MSRA: variants seen among roughly 807,000 people sequenced by gnomAD.
The protein encoded by MSRA is mitochondrial peptide methionine sulfoxide reductase.
A neutral mutation model predicts 31.3 loss-of-function variants in MSRA; 54 were observed. That is an observed-to-expected ratio of 1.73 (90% CI 1.39 to 2.17). The LOEUF is 2.17. Ranked by LOEUF, MSRA falls within the 30% of genes most tolerant of loss-of-function variation. MSRA has a pLI of 0.00. For synonymous variants in MSRA, 169 were observed against 116.5 expected (o/e 1.45, Z -2.90); for missense variants, 507 against 300.9 (o/e 1.69, Z -5.07).
chr8:10,410,030 C>A (rs9650651), intron 5 of MSRA, among the ~76,000 whole-genome samples: 73,337 of 152,092 alleles, frequency 0.48, 18,485 homozygotes, highest in East Asian at 0.66. Flanking sequence ...ACTGCACTCC[C>A]CCCTGGGTTA....
intron 1 of MSRA, among the ~76,000 whole-genome samples, chr8:10,118,490 A>G (rs528844977): frequency 6.6e-6 from 1 of 152,094 alleles, no homozygotes; most frequent in Non-Finnish European, 1.5e-5. Context: ...TCCCCTCTTT[A>G]AAGACTGTCA....
chr8:10,160,813 C>A (rs1300965607), intron 1 of MSRA, among the ~76,000 whole-genome samples: 1 of 152,150 alleles, frequency 6.6e-6, no homozygotes, highest in Non-Finnish European at 1.5e-5. Flanking sequence ...CAGGCATGAG[C>A]CATCGTACCC....
At chr8:10,278,177 C>T (rs1219100039) in intron 3 of MSRA, among the ~76,000 whole-genome samples, 1 of 152,138 alleles carries the variant, frequency 6.6e-6, no homozygotes, top group Admixed American at 6.5e-5. Context: ...CTGGGTTTCA[C>T]AGCTGGGTAC....
chr8:10,201,013 C>G (rs1459445227), intron 1 of MSRA, among the ~76,000 whole-genome samples: 1 of 152,156 alleles, frequency 6.6e-6, no homozygotes, highest in East Asian at 1.9e-4. Flanking sequence ...AGGAACCTTA[C>G]TTACTTCCTG....
intron 5 of MSRA, among the ~76,000 whole-genome samples, chr8:10,378,722 C>T (rs1254993608): frequency 1.3e-5 from 2 of 152,244 alleles, no homozygotes; most frequent in African/African-American, 4.8e-5. Flanking sequence ...GTTAAAAATG[C>T]AGATTCTTGG....
chr8:10,090,974 A>G (rs932428061), intron 1 of MSRA, among the ~76,000 whole-genome samples: 35 of 152,302 alleles, frequency 2.3e-4, no homozygotes, highest in African/African-American at 7.0e-4. Flanking sequence ...ATTATTATGA[A>G]CAATGATTCT....
intron 4 of MSRA, among the ~76,000 whole-genome samples, chr8:10,306,360 G>T (rs1343833090): frequency 6.6e-6 from 1 of 152,132 alleles, no homozygotes; most frequent in East Asian, 1.9e-4. Flanking sequence ...AGGTATTGTT[G>T]TTACGTCTTT....
At chr8:10,209,365 G>A (rs749597971) in intron 2 of MSRA, among the ~76,000 whole-genome samples, 1 of 152,114 alleles carries the variant, frequency 6.6e-6, no homozygotes, top group Non-Finnish European at 1.5e-5. Flanking sequence ...AATAGTAAAT[G>A]ACACTAACCT....
At chr8:10,226,612 C>G (rs1322273630) in intron 2 of MSRA, among the ~76,000 whole-genome samples, 1 of 152,198 alleles carries the variant, frequency 6.6e-6, no homozygotes, top group Non-Finnish European at 1.5e-5. Context: ...AGTCAGTGCC[C>G]ATGAACAGAC....
At chr8:10,130,625 G>C (rs984437843) in intron 1 of MSRA, among the ~76,000 whole-genome samples, 1 of 152,194 alleles carries the variant, frequency 6.6e-6, no homozygotes, top group African/African-American at 2.4e-5. Flanking sequence ...CACACACACA[G>C]AGACCGCACA....
chr8:10,189,134 G>A (rs117859552), intron 1 of MSRA, among the ~76,000 whole-genome samples: 3,828 of 152,182 alleles, frequency 0.025, 63 homozygotes, highest in South Asian at 0.053. Context: ...ATTATGTAAA[G>A]TACTTCTTTT....
chr8:10,410,990 C>T (rs766070873), intron 5 of MSRA: 1 of 151,496 alleles, frequency 6.6e-6, no homozygotes, highest in Non-Finnish European at 1.5e-5. Flanking sequence ...CTTTCTCCCT[C>T]CCTCCTTCTC....
intron 5 of MSRA, chr8:10,353,753 G>A (rs1036879104): frequency 7.5e-6 from 3 of 400,730 alleles, no homozygotes; most frequent in African/African-American, 2.1e-5. Context: ...CCCAGCAGAG[G>A]ACAGGGTTCC....
At chr8:10,262,697 T>C (rs1212355153) in intron 3 of MSRA, among the ~76,000 whole-genome samples, 2 of 152,200 alleles carry the variant, frequency 1.3e-5, no homozygotes, top group African/African-American at 2.4e-5. Context: ...AGGCATCCAT[T>C]ATTTGTGAAC....
At chr8:10,160,787 C>G (rs1804571446) in intron 1 of MSRA, among the ~76,000 whole-genome samples, 1 of 152,138 alleles carries the variant, frequency 6.6e-6, no homozygotes, top group Non-Finnish European at 1.5e-5. Context: ...CTTGGCCTCC[C>G]AAAGTGCTGG....
At chr8:10,314,928 A>T (rs1266541004) in intron 4 of MSRA, among the ~76,000 whole-genome samples, 1 of 152,232 alleles carries the variant, frequency 6.6e-6, no homozygotes, top group Non-Finnish European at 1.5e-5. Flanking sequence ...TAATAAAGAC[A>T]TACCGGAGAC....
intron 3 of MSRA, among the ~76,000 whole-genome samples, chr8:10,286,564 A>T (rs928080804): frequency 6.6e-6 from 1 of 152,202 alleles, no homozygotes; most frequent in Non-Finnish European, 1.5e-5. Flanking sequence ...GTATGTCTTT[A>T]CCAGCAGCAT....
chr8:10,339,531 CTTT>C lies in MSRA; in HGVS notation c.543+19566_543+19568del, dbSNP rs774034241. Among the ~76,000 whole-genome samples the C allele has an allele frequency of 3.3e-4, 24 of 72,806 alleles. No homozygotes were observed. In the South Asian group the frequency reaches 5.0e-3, roughly 15 times the overall value. The allele number at this position is 72,806 out of a possible 152,430, so 47.8% of individuals were successfully genotyped here. A position where few individuals can be genotyped will look rare whatever the true frequency, so the allele number is the denominator to read the frequency against. Reference sequence around the variant, plus strand: ...GTTAAGCAAGGGGTTTTCTTTCTTTCTTTTTTTTTTTTTTTTTTTTTTTTTTCT... The same window carrying C: ...GTTAAGCAAGGGGTTTTCTTTCTTTCTTTTTTTTTTTTTTTTTTTTTTTCT... On this transcript the variant is annotated intron_variant, in intron 5 of 5. Coordinates refer to ENST00000317173, the MANE Select transcript of MSRA (RefSeq NM_012331.5).
Position 10,392,888 on chromosome 8 carries a change from TGCAAAAA to T in MSRA, c.544-35259_544-35253del, listed in dbSNP as rs1203328791. On this transcript the variant is annotated intron_variant, in intron 5 of 5. Transcript: ENST00000317173. ...GGTAAAACCCCGTCTCTACTAAAAA[TGCAAAAA>T]AAAAAAAAAAAAAAAAATTAGCCGG... Among the ~76,000 whole-genome samples the T allele has an allele frequency of 4.8e-4, 4 of 8,404 alleles. 1 individual carries two copies. Among genetic ancestry groups the T allele is most frequent in the Middle Eastern group, 0.11 (2 of 18 alleles). The allele number at this position is 8,404 out of a possible 152,430, so 5.5% of individuals were successfully genotyped here.
Sources: allele counts gnomAD v4.1 joint callset (sites outside exome capture counted in the v4.1 genomes callset), GRCh38; gene constraint gnomAD v4.1.1; transcripts MANE v1.5; gene names NCBI Gene and HGNC (gene_info 2026-07-23, HGNC 2026-07-21).